The following RBFOX1 variants were observed in gnomAD, a reference collection of about 807,000 sequenced individuals.
RBFOX1 encodes the protein RNA binding fox-1 homolog 1.
Under a neutral mutation model 57.7 loss-of-function variants are expected in RBFOX1, and 8 were observed. The ratio of observed to expected loss-of-function variants is 0.14; its 90% CI spans 0.08 to 0.25. RBFOX1 has a LOEUF of 0.25. Among genes scored for constraint, RBFOX1 ranks in the 10% least tolerant of loss-of-function variants. The pLI is 1.00. For missense variants in RBFOX1, 611 were observed against 548.5 expected, an observed-to-expected ratio of 1.11 and a Z score of -1.14; for synonymous variants, 326 against 222.4, an observed-to-expected ratio of 1.47 and a Z score of -4.15.
intron 2 of RBFOX1, among the ~76,000 whole-genome samples, chr16:6,557,160 T>TAC (rs1170688977): frequency 7.0e-6 from 1 of 142,942 alleles, no homozygotes; most frequent in Non-Finnish European, 1.5e-5. Context: ...CACATATATA[T>TAC]ACACATATAT....
intron 3 of RBFOX1, among the ~76,000 whole-genome samples, chr16:6,834,345 G>A (rs2092932039): frequency 6.6e-6 from 1 of 152,074 alleles, no homozygotes; most frequent in South Asian, 2.1e-4. Context: ...CAAATTTGCT[G>A]GGATTGCAGG....
At chr16:6,078,522 T>C (rs1173883858) in intron 1 of RBFOX1, among the ~76,000 whole-genome samples, 1 of 152,174 alleles carries the variant, frequency 6.6e-6, no homozygotes, top group African/African-American at 2.4e-5. Context: ...GACACCCCTG[T>C]TCTAGAGCCA....
intron 4 of RBFOX1, among the ~76,000 whole-genome samples, chr16:7,384,538 G>C (rs1447340079): frequency 6.6e-6 from 1 of 152,122 alleles, no homozygotes; most frequent in Non-Finnish European, 1.5e-5. Context: ...ACAGAATCTT[G>C]GGCAGTATCA....
intron 4 of RBFOX1, among the ~76,000 whole-genome samples, chr16:7,211,311 G>T (rs965525371): frequency 6.7e-6 from 1 of 149,012 alleles, no homozygotes; most frequent in African/African-American, 2.5e-5. Flanking sequence ...AGAATGGTGT[G>T]AACCTGGGAG....
chr16:6,541,185 C>T (rs993727935), intron 2 of RBFOX1, among the ~76,000 whole-genome samples: 18 of 152,138 alleles, frequency 1.2e-4, no homozygotes, highest in Admixed American at 3.3e-4. Flanking sequence ...TCATTCTATG[C>T]GGTAATGGCT....
At chr16:6,716,492 G>T (rs77521307) in intron 3 of RBFOX1, among the ~76,000 whole-genome samples, 2,404 of 152,134 alleles carry the variant, frequency 0.016, 53 homozygotes, top group African/African-American at 0.047. Flanking sequence ...GTTATTACCT[G>T]CCCATTTCAG....
At chr16:7,338,452 G>T (rs1358942998) in intron 4 of RBFOX1, among the ~76,000 whole-genome samples, 2 of 152,164 alleles carry the variant, frequency 1.3e-5, no homozygotes, top group Non-Finnish European at 2.9e-5. Flanking sequence ...CTGGAGTGCA[G>T]TGGTGCAATC....
At chr16:5,795,519 G>C (rs1217460642) in intron 3 of RBFOX1, among the ~76,000 whole-genome samples, 1 of 151,982 alleles carries the variant, frequency 6.6e-6, no homozygotes, top group Admixed American at 6.6e-5. Context: ...GTGAATTCCT[G>C]GGCTCAAACA....
At chr16:5,532,022 A>C (rs2044498155) in intron 2 of RBFOX1, among the ~76,000 whole-genome samples, 1 of 151,424 alleles carries the variant, frequency 6.6e-6, no homozygotes, top group Admixed American at 6.6e-5. Context: ...CTGATCTTGA[A>C]CTCCTGATCT....
chr16:7,043,999 G>A (rs1411170024), intron 3 of RBFOX1, among the ~76,000 whole-genome samples: 6 of 152,094 alleles, frequency 3.9e-5, no homozygotes, highest in Non-Finnish European at 8.8e-5. Context: ...CCTATGCACT[G>A]CAAGCACCTC....
chr16:5,661,541 A>G (rs1421015933), intron 3 of RBFOX1, among the ~76,000 whole-genome samples: 1 of 152,250 alleles, frequency 6.6e-6, no homozygotes, highest in African/African-American at 2.4e-5. Context: ...AGTTTTTAAG[A>G]TTTAAAAATA....
At chr16:6,784,455 T>C (rs1567231642) in intron 3 of RBFOX1, among the ~76,000 whole-genome samples, 1 of 152,150 alleles carries the variant, frequency 6.6e-6, no homozygotes, top group African/African-American at 2.4e-5. Context: ...CAATTTCTGT[T>C]TGATTTTTTT....
In RBFOX1 at chr16:7,712,148, G is replaced by C. The variant is rs138989243; in HGVS notation, c.*1403G>C. On this transcript the variant is annotated 3_prime_UTR_variant, in exon 16 of 16. Coordinates refer to ENST00000550418, the MANE Select transcript of RBFOX1 (RefSeq NM_018723.4). ...TTGCAGTTTGTCTGTACTTCTGTTT[G>C]AACTTTCCACGTTGTCCTGTTTACA... 3 of 152,718 alleles carry C rather than the reference G, an allele frequency of 2.0e-5. No homozygotes were observed. Among genetic ancestry groups the C allele is most frequent in the Admixed American group, 6.5e-5 (1 of 15,300 alleles). The allele number at this position is 152,718 out of a possible 1,614,324, so 9.5% of individuals were successfully genotyped here. A position where few individuals can be genotyped will look rare whatever the true frequency, so the allele number is the denominator to read the frequency against.
intron 3 of RBFOX1, among the ~76,000 whole-genome samples, chr16:5,720,597 G>A (rs553897335): frequency 1.3e-5 from 2 of 152,150 alleles, no homozygotes; most frequent in Admixed American, 6.5e-5. Flanking sequence ...GATCCATTTC[G>A]AGTTCATTTT....
At chr16:5,353,372 G>GAAA (rs34034136) in intron 1 of RBFOX1, among the ~76,000 whole-genome samples, 6 of 136,506 alleles carry the variant, frequency 4.4e-5, no homozygotes, top group South Asian at 2.4e-4. Context: ...AGTAGTGTCT[G>GAAA]AAAAAAAAAA....
intron 2 of RBFOX1, among the ~76,000 whole-genome samples, chr16:6,592,826 A>G (rs571352755): frequency 5.3e-5 from 8 of 152,262 alleles, no homozygotes; most frequent in African/African-American, 1.4e-4. Context: ...TTCCAGTTCT[A>G]TTCATCCAGG....
intron 4 of RBFOX1, among the ~76,000 whole-genome samples, chr16:7,128,670 C>G (rs77657430): frequency 2.0e-5 from 3 of 152,160 alleles, no homozygotes; most frequent in Non-Finnish European, 4.4e-5. Context: ...TGTTACAAGT[C>G]CAGTTTGGAT....
chr16:7,065,745 G>A (rs1020261621), intron 4 of RBFOX1, among the ~76,000 whole-genome samples: 3 of 152,118 alleles, frequency 2.0e-5, no homozygotes, highest in African/African-American at 7.2e-5. Context: ...CAGTAGATCT[G>A]ATGAACTCAT....
At chr16:6,829,075 C>T (rs1228496746) in intron 3 of RBFOX1, among the ~76,000 whole-genome samples, 1 of 152,106 alleles carries the variant, frequency 6.6e-6, no homozygotes, top group East Asian at 1.9e-4. Context: ...ATCAGGGTCC[C>T]ACCAGCATTT....
Sources: allele counts gnomAD v4.1 joint callset (sites outside exome capture counted in the v4.1 genomes callset), GRCh38; gene constraint gnomAD v4.1.1; transcripts MANE v1.5; gene names NCBI Gene and HGNC (gene_info 2026-07-23, HGNC 2026-07-21).